Variants in GATM observed in about 807,000 individuals in gnomAD.
GATM encodes glycine amidinotransferase.
In GATM, 23 loss-of-function variants were observed where a neutral mutation model predicts 54.2. The ratio of observed to expected loss-of-function variants is 0.42; its 90% CI spans 0.31 to 0.60. The LOEUF is 0.60. Ranked by LOEUF, GATM falls within the 20% of genes least tolerant of loss-of-function variation. The probability of loss-of-function intolerance (pLI) is 0.14; values close to 1 mark genes in which losing one functional copy is unlikely to be tolerated. For missense variants in GATM, 401 were observed against 544.9 expected, an observed-to-expected ratio of 0.74 and a Z score of 2.63; for synonymous variants, 168 against 183.1, an observed-to-expected ratio of 0.92 and a Z score of 0.67.
intron 3 of GATM, among the ~76,000 whole-genome samples, chr15:45,385,857 C>T (rs1889798134): frequency 6.6e-6 from 1 of 152,202 alleles, no homozygotes; most frequent in Non-Finnish European, 1.5e-5. Flanking sequence ...TTATACCCCA[C>T]CATATATCTC....
In GATM at chr15:45,369,458, C is replaced by A; in HGVS notation, c.352G>T (p.Asp118Tyr). The A allele has an allele frequency of 6.2e-7, 1 of 1,614,164 alleles. No individual in the cohort carries two copies. The highest frequency in any genetic ancestry group is 8.5e-7 in the Non-Finnish European group (1 of 1,180,004). Reference sequence around the variant, plus strand: ...TCAGCAACAGCCTTTTTCAAATGATCTTTGGGAAAATAATGCCCTCCTTGC... The same window carrying A: ...TCAGCAACAGCCTTTTTCAAATGATATTTGGGAAAATAATGCCCTCCTTGC... Reference protein sequence around the residue: ...QKQGGHYFPKDHLKKAVAEIE... With the variant: ...QKQGGHYFPKYHLKKAVAEIE... Residue 118 changes from aspartate to tyrosine, a missense_variant, in exon 3 of 9, where the codon GAT becomes TAT. Transcript: ENST00000396659.
At chr15:45,391,630 G>T (rs1889875011) in intron 3 of GATM, among the ~76,000 whole-genome samples, 1 of 152,210 alleles carries the variant, frequency 6.6e-6, no homozygotes, top group South Asian at 2.1e-4. Context: ...TTAACACTGT[G>T]CAGAATTATT....
chr15:45,377,086 C>A, intron 1 of GATM: 1 of 493,852 alleles, frequency 2.0e-6, no homozygotes, highest in Admixed American at 2.9e-5. Context: ...TCCCCAGCTA[C>A]CATACACCCC....
intron 2 of GATM, among the ~76,000 whole-genome samples, chr15:45,372,780 A>G (rs1457713482): frequency 6.6e-6 from 1 of 152,238 alleles, no homozygotes; most frequent in Non-Finnish European, 1.5e-5. Context: ...TTTCTTGTAG[A>G]GTTTATAATC....
intron 3 of GATM, chr15:45,396,316 A>G (rs1889929518): frequency 6.6e-6 from 1 of 152,186 alleles, no homozygotes; most frequent in South Asian, 2.1e-4. Context: ...ATTCATTTAG[A>G]TAAACTAAAT....
chr15:45,393,503 T>C (rs1316689589), intron 3 of GATM, among the ~76,000 whole-genome samples: 1 of 152,216 alleles, frequency 6.6e-6, no homozygotes, highest in African/African-American at 2.4e-5. Context: ...CTGTACCTGG[T>C]ACTCTATCTG....
intron 1 of GATM, 187 bp downstream of exon 1, chr15:45,378,198 C>A: frequency 2.0e-6 from 1 of 499,738 alleles, no homozygotes; most frequent in Non-Finnish European, 3.5e-6. Context: ...CGCCCAGCTC[C>A]TGGAGCCTGC....
chr15:45,369,798 AG>A (rs1889509375), intron 2 of GATM: 1 of 441,646 alleles, frequency 2.3e-6, no homozygotes, highest in African/African-American at 2.0e-5. Flanking sequence ...GTTTACCTTC[AG>A]ACAGACTTGG....
intron 3 of GATM, chr15:45,396,059 T>A (rs1033801616): frequency 1.3e-5 from 2 of 152,110 alleles, no homozygotes. Context: ...AACTAAAACA[T>A]AATACGATAA....
chr15:45,364,506 G>A, intron 7 of GATM: 1 of 374,642 alleles, frequency 2.7e-6, no homozygotes. Context: ...CTGCACTCAA[G>A]CCTGGGTGAC....
In GATM at chr15:45,366,542, C is replaced by A. The variant is rs1366395966; in HGVS notation, c.676-34G>T. 3.1e-6 allele frequency: 5 copies of A among 1,612,178 alleles called. No individual in the cohort carries two copies. In the East Asian group the frequency reaches 1.1e-4, roughly 36 times the overall value. On this transcript the variant is annotated intron_variant, in intron 4 of 8. Coordinates refer to ENST00000396659, the MANE Select transcript of GATM (RefSeq NM_001482.3). ...AACAAGAATGAACACACACAATGCA[C>A]TGGATCATGAGAAAATTATTCATAA...
chr15:45,400,859 A>G (rs1349006640), intron 1 of GATM, among the ~76,000 whole-genome samples: 1 of 152,188 alleles, frequency 6.6e-6, no homozygotes, highest in African/African-American at 2.4e-5. Context: ...CCAGATCCTT[A>G]AAGCTTCTTG....
At chr15:45,362,267 G>T in intron 8 of GATM, 46 bp from the exon 9 acceptor site, 1 of 1,155,588 alleles carries the variant, frequency 8.7e-7, no homozygotes, top group South Asian at 1.2e-5. Context: ...CTAACATGAC[G>T]ATTCTCATAG....
chr15:45,363,400 G>T (rs1359422761), intron 8 of GATM, among the ~76,000 whole-genome samples: 1 of 152,010 alleles, frequency 6.6e-6, no homozygotes, highest in African/African-American at 2.4e-5. Flanking sequence ...GTAAAACCTG[G>T]TCCTGCTCTT....
At chr15:45,370,935 G>T (rs986659877) in intron 2 of GATM, among the ~76,000 whole-genome samples, 1 of 152,044 alleles carries the variant, frequency 6.6e-6, no homozygotes, top group African/African-American at 2.4e-5. Flanking sequence ...CACCACGCCC[G>T]GCTAATTTTT....
At chr15:45,387,295 A>C (rs771018400) in intron 3 of GATM, among the ~76,000 whole-genome samples, 5 of 152,224 alleles carry the variant, frequency 3.3e-5, no homozygotes, top group Admixed American at 3.3e-4. Context: ...GTAGCAACCA[A>C]ATTTCTGACT....
intron 2 of GATM, among the ~76,000 whole-genome samples, chr15:45,371,670 G>A (rs1388463804): frequency 6.6e-6 from 1 of 152,178 alleles, no homozygotes; most frequent in South Asian, 2.1e-4. Flanking sequence ...TGGACAAGCA[G>A]GACTAGAACT....
intron 1 of GATM, chr15:45,378,156 C>T (rs1416740613): frequency 4.2e-6 from 2 of 477,328 alleles, no homozygotes; most frequent in Non-Finnish European, 7.4e-6. Context: ...GGGCTGGAGC[C>T]GCAACGCAAG....
rs576569546 is a variant in GATM at position 45,399,022 on chromosome 15, T to C, written c.-480+524A>G. Among the ~76,000 whole-genome samples, 53 of 152,308 alleles carry C rather than the reference T, an allele frequency of 3.5e-4. 1 individual carries two copies. In the South Asian group the frequency reaches 0.011, roughly 31 times the overall value. On this transcript the variant is annotated intron_variant, in intron 2 of 4. Transcript: ENST00000561148. ...TATAGTTAATTAAAAATTAGACAGA[T>C]TGTAACCTTGAATGTAACAAAGGAC...
Sources: allele counts gnomAD v4.1 joint callset (sites outside exome capture counted in the v4.1 genomes callset), GRCh38; gene constraint gnomAD v4.1.1; transcripts MANE v1.5; gene names NCBI Gene and HGNC (gene_info 2026-07-23, HGNC 2026-07-21).